Variants in ELOVL5 observed in about 807,000 individuals in gnomAD.
The protein encoded by ELOVL5 is ELOVL fatty acid elongase 5, also known as very long chain fatty acid elongase 5.
A neutral mutation model predicts 38.6 loss-of-function variants in ELOVL5; 8 were observed. The ratio of observed to expected loss-of-function variants is 0.21; its 90% confidence interval spans 0.12 to 0.37. The LOEUF (loss-of-function observed/expected upper bound fraction) is 0.37. ELOVL5 is among the 10% of genes least tolerant of loss of function. The pLI is 1.00. For missense variants in ELOVL5, 280 were observed against 367.8 expected, an observed-to-expected ratio of 0.76 and a Z score of 1.95; for synonymous variants, 127 against 133.7, an observed-to-expected ratio of 0.95 and a Z score of 0.34.
Position 53,336,241 on chromosome 6 carries a change from A to G in ELOVL5, c.-9+12576T>C, listed in dbSNP as rs1376754572. Among the ~76,000 whole-genome samples, 3 of 152,246 alleles carry G rather than the reference A, an allele frequency of 2.0e-5. No individual in the cohort carries two copies. In the East Asian group the frequency reaches 5.8e-4, roughly 29 times the overall value. On this transcript the variant is annotated intron_variant, in intron 1 of 7. Coordinates refer to ENST00000304434, the MANE Select transcript of ELOVL5 (RefSeq NM_021814.5). Reference sequence around the variant, plus strand: ...AGGCTAACACAGACAAATGACCAACACTGAGTGGGTTTAAGTGATCAACAA... The same window carrying G: ...AGGCTAACACAGACAAATGACCAACGCTGAGTGGGTTTAAGTGATCAACAA...
chr6:53,324,078 C>T (rs1768409175), intron 1 of ELOVL5, among the ~76,000 whole-genome samples: 1 of 151,484 alleles, frequency 6.6e-6, no homozygotes, highest in Non-Finnish European at 1.5e-5. Context: ...CATAGTGAAA[C>T]CATGTCTCTA....
At chr6:53,338,950 C>T (rs982482718) in intron 1 of ELOVL5, among the ~76,000 whole-genome samples, 2 of 152,046 alleles carry the variant, frequency 1.3e-5, no homozygotes, top group South Asian at 2.1e-4. Flanking sequence ...TTATGCAACC[C>T]CCCAAACGAA....
At chr6:53,319,933 A>G (rs1768228632) in intron 1 of ELOVL5, among the ~76,000 whole-genome samples, 1 of 152,232 alleles carries the variant, frequency 6.6e-6, no homozygotes, top group South Asian at 2.1e-4. Flanking sequence ...ATGTGTAAGT[A>G]AGACGAAGGT....
At chr6:53,298,940 T>G (rs1048325798) in intron 1 of ELOVL5, among the ~76,000 whole-genome samples, 1 of 150,146 alleles carries the variant, frequency 6.7e-6, no homozygotes, top group African/African-American at 2.5e-5. Flanking sequence ...GAGGAACTTG[T>G]CAGAAACAGA....
At chr6:53,324,252 C>CAAAAAAAAAAAAAAAAAAAAAAA (rs59453946) in intron 1 of ELOVL5, among the ~76,000 whole-genome samples, 2 of 110,362 alleles carry the variant, frequency 1.8e-5, no homozygotes, top group Non-Finnish European at 3.7e-5. Flanking sequence ...GACTCTACCT[C>CAAAAAAAAAAAAAAAAAAAAAAA]AAAAAAAAAA....
chr6:53,338,125 T>G (rs558215084), intron 1 of ELOVL5, among the ~76,000 whole-genome samples: 1 of 152,258 alleles, frequency 6.6e-6, no homozygotes, highest in South Asian at 2.1e-4. Context: ...GATATTTGAA[T>G]CCATGGGGCA....
chr6:53,338,845 A>G lies in ELOVL5; in HGVS notation c.-9+9972T>C, dbSNP rs140981018. 2.0e-5 allele frequency among the ~76,000 whole-genome samples: 3 copies of G among 152,352 alleles called. No individual in the cohort carries two copies. The East Asian group carries it at 5.8e-4, about 29-fold the overall frequency. On this transcript the variant is annotated intron_variant, in intron 1 of 7. Coordinates refer to ENST00000304434, the MANE Select transcript of ELOVL5 (RefSeq NM_021814.5). ...AAATTATCATTTGAGGAAATTATCAATTGAGTTCTCCAACCTAATTTGTGC... is the reference window on the plus strand; with the variant it reads ...AAATTATCATTTGAGGAAATTATCAGTTGAGTTCTCCAACCTAATTTGTGC...
At chr6:53,316,199 G>A (rs1169294174) in intron 1 of ELOVL5, among the ~76,000 whole-genome samples, 2 of 152,170 alleles carry the variant, frequency 1.3e-5, no homozygotes, top group East Asian at 3.8e-4. Context: ...CACAGGCACT[G>A]GAGACACAGA....
At chr6:53,280,299 C>T (rs1766301740) in intron 3 of ELOVL5, among the ~76,000 whole-genome samples, 2 of 152,180 alleles carry the variant, frequency 1.3e-5, no homozygotes, top group South Asian at 4.1e-4. Context: ...CGAAATTTTC[C>T]ATACCACTGC....
chr6:53,276,344 A>C, intron 3 of ELOVL5, 88 bp from the exon 4 acceptor site: 1 of 901,158 alleles, frequency 1.1e-6, no homozygotes, highest in Non-Finnish European at 1.8e-6. Flanking sequence ...ATCTGTGATA[A>C]TTTACCTTGG....
At chr6:53,294,475 G>C in intron 2 of ELOVL5, 2 of 1,550,112 alleles carry the variant, frequency 1.3e-6, no homozygotes, top group Non-Finnish European at 1.7e-6. Flanking sequence ...CCATTCTGAG[G>C]ACAGAGCTGC....
chr6:53,293,386 C>T (rs1410722912), intron 2 of ELOVL5, among the ~76,000 whole-genome samples: 6 of 152,176 alleles, frequency 3.9e-5, no homozygotes, highest in African/African-American at 1.4e-4. Flanking sequence ...GGCGTGATCT[C>T]AGCTCACTGC....
At chr6:53,305,567 C>T (rs1289105026) in intron 1 of ELOVL5, among the ~76,000 whole-genome samples, 1 of 141,816 alleles carries the variant, frequency 7.1e-6, no homozygotes, top group Non-Finnish European at 1.5e-5. Flanking sequence ...CAGACGGGGT[C>T]GCGGCTGGGC....
intron 1 of ELOVL5, among the ~76,000 whole-genome samples, chr6:53,313,920 G>A (rs1045176812): frequency 6.6e-6 from 1 of 152,194 alleles, no homozygotes; most frequent in Admixed American, 6.5e-5. Context: ...CATTAGCAAA[G>A]AGCTGTTCAA....
intron 3 of ELOVL5, among the ~76,000 whole-genome samples, chr6:53,291,118 A>T (rs922230801): frequency 3.3e-5 from 5 of 152,216 alleles, no homozygotes; most frequent in African/African-American, 4.8e-5. Context: ...AATAGGGAGA[A>T]GAGAAGGGTT....
intron 1 of ELOVL5, among the ~76,000 whole-genome samples, chr6:53,313,135 C>T (rs1289852077): frequency 6.6e-6 from 1 of 152,196 alleles, no homozygotes; most frequent in African/African-American, 2.4e-5. Context: ...ATAAAATCCT[C>T]CTGATTAAAA....
At chr6:53,297,184 T>C (rs536128036) in intron 1 of ELOVL5, among the ~76,000 whole-genome samples, 41 of 152,216 alleles carry the variant, frequency 2.7e-4, no homozygotes, top group African/African-American at 8.9e-4. Context: ...CAGCTCCCCA[T>C]ACCCATCTGC....
intron 1 of ELOVL5, among the ~76,000 whole-genome samples, chr6:53,315,115 T>C (rs966641219): frequency 2.1e-4 from 32 of 152,320 alleles, no homozygotes; most frequent in Admixed American, 1.2e-3. Context: ...TTCTGGAGGC[T>C]AGGAAGTCCA....
chr6:53,324,059 C>T (rs139284909), intron 1 of ELOVL5, among the ~76,000 whole-genome samples: 1,585 of 151,914 alleles, frequency 0.01, 24 homozygotes, highest in Non-Finnish European at 0.012. Context: ...TCAAGACCAG[C>T]CTGGTCAACA....
Sources: allele counts gnomAD v4.1 joint callset (sites outside exome capture counted in the v4.1 genomes callset), GRCh38; gene constraint gnomAD v4.1.1; transcripts MANE v1.5; gene names NCBI Gene and HGNC (gene_info 2026-07-23, HGNC 2026-07-21).